Variants in PLCB4 observed in about 807,000 individuals in gnomAD.
PLCB4 encodes the protein phospholipase C beta 4, also known as 1-phosphatidylinositol 4,5-bisphosphate phosphodiesterase beta-4.
Under a neutral mutation model 178.8 loss-of-function variants are expected in PLCB4, and 77 were observed. The ratio of observed to expected loss-of-function variants is 0.43; its 90% confidence interval spans 0.36 to 0.52. The LOEUF is 0.52. PLCB4 is among the 20% of genes least tolerant of loss of function. The pLI is 0.00. For synonymous variants in PLCB4, 496 were observed against 490.8 expected (o/e 1.01, Z -0.14); for missense variants, 1,024 against 1,453.4 (o/e 0.70, Z 4.80).
chr20:9,411,789 A>G (rs2039880296), intron 25 of PLCB4, among the ~76,000 whole-genome samples: 1 of 152,084 alleles, frequency 6.6e-6, no homozygotes, highest in Admixed American at 6.5e-5. Flanking sequence ...TCTGTCCCCA[A>G]ACAAGTAAAT....
At chr20:9,302,557 T>C (rs900896445) in intron 3 of PLCB4, among the ~76,000 whole-genome samples, 2 of 152,132 alleles carry the variant, frequency 1.3e-5, no homozygotes, top group African/African-American at 4.8e-5. Context: ...TCCAACATCA[T>C]TTTGCCAGAA....
intron 2 of PLCB4, among the ~76,000 whole-genome samples, chr20:9,115,182 G>C (rs2091732947): frequency 6.6e-6 from 1 of 151,972 alleles, no homozygotes; most frequent in South Asian, 2.1e-4. Context: ...TGAGAACAGT[G>C]GGTCTCTAGA....
intron 2 of PLCB4, among the ~76,000 whole-genome samples, chr20:9,131,553 A>G (rs1156998178): frequency 6.6e-6 from 1 of 152,148 alleles, no homozygotes; most frequent in African/African-American, 2.4e-5. Flanking sequence ...ACTAACGTGT[A>G]TGGTGGTTGC....
At chr20:9,094,154 G>A (rs2090803367) in intron 1 of PLCB4, among the ~76,000 whole-genome samples, 3 of 152,066 alleles carry the variant, frequency 2.0e-5, no homozygotes, top group Admixed American at 2.0e-4. Context: ...TGAATCAAAG[G>A]TGTATTTAAC....
chr20:9,424,016 A>G, intron 28 of PLCB4, 64 bp downstream of exon 28: 1 of 1,074,088 alleles, frequency 9.3e-7, no homozygotes, highest in Non-Finnish European at 1.4e-6. Flanking sequence ...AGATTATAAA[A>G]CATCTTGTCC....
intron 3 of PLCB4, among the ~76,000 whole-genome samples, chr20:9,287,669 A>C (rs766892570): frequency 6.6e-6 from 1 of 152,076 alleles, no homozygotes; most frequent in Non-Finnish European, 1.5e-5. Context: ...TTTCAGGCTC[A>C]TGAGGGATTT....
chr20:9,289,577 A>G (rs914637396), intron 3 of PLCB4, among the ~76,000 whole-genome samples: 9 of 152,032 alleles, frequency 5.9e-5, no homozygotes, highest in Non-Finnish European at 7.4e-5. Flanking sequence ...TATTGAAGCA[A>G]TCCTTATTTT....
chr20:9,385,648 C>T (rs2037556191), intron 14 of PLCB4, among the ~76,000 whole-genome samples: 2 of 147,314 alleles, frequency 1.4e-5, no homozygotes, highest in Admixed American at 1.4e-4. Flanking sequence ...GCGCTCCTCA[C>T]CTCCCAGATG....
rs949255052 is a variant in PLCB4, at chr20:9,374,258, C to T, written c.744+1154C>T. Among the ~76,000 whole-genome samples the T allele has an allele frequency of 3.9e-5, 6 of 152,138 alleles. No individual in the cohort carries two copies. In the East Asian group the frequency reaches 5.8e-4, roughly 15 times the overall value. ...GACAGATGCCTCTAAAATAATCCTT[C>T]GTGTACAATACAATGTTTATTTTAC... is the stretch of plus-strand genomic sequence containing the variant. On this transcript the variant is annotated intron_variant, in intron 12 of 39. Transcript: ENST00000378473.
intron 3 of PLCB4, among the ~76,000 whole-genome samples, chr20:9,279,807 C>A (rs1323079970): frequency 6.6e-6 from 1 of 152,002 alleles, no homozygotes; most frequent in African/African-American, 2.4e-5. Context: ...TGTTTCTGTG[C>A]CTCTTTTTGA....
intron 2 of PLCB4, among the ~76,000 whole-genome samples, chr20:9,156,950 C>G (rs899569876): frequency 2.0e-5 from 3 of 149,790 alleles, no homozygotes; most frequent in Non-Finnish European, 3.0e-5. Context: ...GTTGATTATT[C>G]AGGAGGCCTT....
chr20:9,179,917 C>A (rs1330561846), intron 2 of PLCB4, among the ~76,000 whole-genome samples: 6 of 152,084 alleles, frequency 3.9e-5, no homozygotes, highest in African/African-American at 1.4e-4. Context: ...CACCACTATC[C>A]CCATAAAATT....
intron 3 of PLCB4, among the ~76,000 whole-genome samples, chr20:9,223,144 A>T (rs1568975934): frequency 6.6e-6 from 1 of 152,146 alleles, no homozygotes. Context: ...AAAAATCTAT[A>T]TATGTATATC....
At chr20:9,209,790 C>T (rs966680195) in intron 2 of PLCB4, among the ~76,000 whole-genome samples, 1 of 151,716 alleles carries the variant, frequency 6.6e-6, no homozygotes, top group Non-Finnish European at 1.5e-5. Flanking sequence ...GGTGAAACCC[C>T]GTCTCTACTA....
At chr20:9,423,580 G>A (rs1470503563) in intron 27 of PLCB4, among the ~76,000 whole-genome samples, 168 bp from the exon 28 acceptor site, 2 of 152,148 alleles carry the variant, frequency 1.3e-5, no homozygotes, top group African/African-American at 4.8e-5. Context: ...CAGTGTCTTG[G>A]GCACTGTAGC....
intron 3 of PLCB4, among the ~76,000 whole-genome samples, chr20:9,275,016 A>G (rs1218478403): frequency 6.6e-6 from 1 of 152,074 alleles, no homozygotes; most frequent in East Asian, 1.9e-4. Flanking sequence ...TTAGAATTTT[A>G]CCATATAGAA....
At chr20:9,203,143 G>T (rs1601115823) in intron 2 of PLCB4, among the ~76,000 whole-genome samples, 1 of 150,480 alleles carries the variant, frequency 6.6e-6, no homozygotes, top group South Asian at 2.1e-4. Context: ...GCATTTGGGG[G>T]TTCTTGTAAG....
chr20:9,282,669 G>A (rs2094504235), intron 3 of PLCB4, among the ~76,000 whole-genome samples: 1 of 152,000 alleles, frequency 6.6e-6, no homozygotes, highest in African/African-American at 2.4e-5. Context: ...CTTTTGTTGT[G>A]TAACAAACCA....
At chr20:9,380,351 G>A (rs1399785296) in intron 13 of PLCB4, among the ~76,000 whole-genome samples, 189 bp downstream of exon 13, 1 of 152,064 alleles carries the variant, frequency 6.6e-6, no homozygotes, top group East Asian at 1.9e-4. Flanking sequence ...AATCCTGACT[G>A]AAGTATACTG....
Sources: allele counts gnomAD v4.1 joint callset (sites outside exome capture counted in the v4.1 genomes callset), GRCh38; gene constraint gnomAD v4.1.1; transcripts MANE v1.5; gene names NCBI Gene and HGNC (gene_info 2026-07-23, HGNC 2026-07-21).